Variants in VARS2 observed in about 807,000 individuals in gnomAD.
VARS2 encodes valyl-tRNA synthetase 2, mitochondrial.
A neutral mutation model predicts 154.1 loss-of-function variants in VARS2; 105 were observed. That is an observed-to-expected ratio of 0.68 (90% CI 0.58 to 0.80). The LOEUF (loss-of-function observed/expected upper bound fraction) is 0.80, where lower values mean the gene tolerates loss of function less well. Ranked by LOEUF, VARS2 falls within the 30% of genes least tolerant of loss-of-function variation. VARS2 has a pLI of 0.00. For missense variants in VARS2, 1,157 were observed against 1,361.4 expected, an observed-to-expected ratio of 0.85 and a Z score of 2.36; for synonymous variants, 483 against 539.5, an observed-to-expected ratio of 0.90 and a Z score of 1.45.
rs1490621098 is a variant in VARS2, at chr6:30,914,307, C to T, written c.-65C>T. 3.6e-6 allele frequency: 4 copies of T among 1,126,518 alleles called. No individual in the cohort carries two copies. The highest frequency in any genetic ancestry group is 1.6e-5 in the African/African-American group (1 of 62,302). 69.8% of individuals were successfully genotyped at this position (1,126,518 alleles called of 1,614,324 possible). On this transcript the variant is annotated 5_prime_UTR_variant, in exon 1 of 30. Transcript: ENST00000676266. The stretch of plus-strand genomic sequence containing the variant: ...GTTTGGTGGATTCCTCAGTCCCTGC[C>T]GCCGCGGGGCGCCCTGGGATAGCGG...
chr6:30,915,189 A>G lies in VARS2; in HGVS notation c.235A>G (p.Lys79Glu). 6.8e-6 allele frequency: 11 copies of G among 1,614,242 alleles called. No individual in the cohort carries two copies. Among genetic ancestry groups the G allele is most frequent in the Non-Finnish European group, 9.3e-6 (11 of 1,180,040 alleles). Reference sequence around the variant, plus strand: ...AGAATCCATTAAGGCCTGGAGGCCTAAGGAGTTAGTATTGTATGAAATCCC... The same window carrying G: ...AGAATCCATTAAGGCCTGGAGGCCTGAGGAGTTAGTATTGTATGAAATCCC... ...PAESIKAWRP[K>E]ELVLYEIPTK... The change falls in exon 3 of 30, where the codon AAG (lysine) becomes GAG (glutamate). Residue 79 changes from lysine (K) to glutamate (E), a missense_variant. By Grantham distance (56) the Lys-to-Glu change is moderately conservative. Transcript: ENST00000676266.
intron 1 of VARS2, 89 bp downstream of exon 1, chr6:30,914,433 C>A (rs948200308): frequency 7.1e-6 from 9 of 1,271,834 alleles, no homozygotes; most frequent in African/African-American, 1.5e-5. Flanking sequence ...GGCTTGGCCG[C>A]GCCGGGCTGT....
In VARS2 at chr6:30,914,297, C is replaced by A; in HGVS notation, c.-75C>A. 1 of 1,067,300 alleles carries A rather than the reference C, an allele frequency of 9.4e-7. No individual in the cohort carries two copies. Among genetic ancestry groups the A allele is most frequent in the Non-Finnish European group, 1.2e-6 (1 of 834,206 alleles). 66.1% of individuals were successfully genotyped at this position (1,067,300 alleles called of 1,614,324 possible). On this transcript the variant is annotated 5_prime_UTR_variant, in exon 1 of 30. Transcript: ENST00000676266. ...CCAGGGTCGGGTTTGGTGGATTCCT[C>A]AGTCCCTGCCGCCGCGGGGCGCCCT...
chr6:30,916,322 C>A lies in VARS2; in HGVS notation c.671+73C>A. 7.8e-7 allele frequency: 1 copy of A among 1,285,014 alleles called. No individual in the cohort carries two copies. The highest frequency in any genetic ancestry group is 2.4e-5 in the East Asian group (1 of 40,916). 79.6% of individuals were successfully genotyped at this position (1,285,014 alleles called of 1,614,324 possible). On this transcript the variant is annotated intron_variant, in intron 7 of 29. Coordinates refer to ENST00000676266, the MANE Select transcript of VARS2 (RefSeq NM_020442.6). The surrounding 1 kb of genome is among the most constrained non-coding windows in gnomAD (Gnocchi z 4.0). Reference sequence around the variant, plus strand: ...TTCTTGCCTCCCACCACTATCACTCCTGACTTGTAATCCTTGGCTCTTCCC... The same window carrying A: ...TTCTTGCCTCCCACCACTATCACTCATGACTTGTAATCCTTGGCTCTTCCC...
Position 30,919,721 on chromosome 6 carries a change from C to G in VARS2, c.1075-37C>G. 6.7e-7 allele frequency: 1 copy of G among 1,501,170 alleles called. No homozygotes were observed. The highest frequency in any genetic ancestry group is 1.3e-5 in the South Asian group (1 of 75,052). The allele number at this position is 1,501,170 out of a possible 1,614,324, so 93.0% of individuals were successfully genotyped here. ...CCAGCCCAGACCCTTCCAACCCTCA[C>G]AGGTGCCTGTCCTTGATCCCTCTCC... On this transcript the variant is annotated intron_variant, in intron 11 of 29. Transcript: ENST00000676266. The surrounding 1 kb of genome is among the most constrained non-coding windows in gnomAD (Gnocchi z 4.5).
chr6:30,922,295 CT>C, intron 20 of VARS2, 54 bp downstream of exon 20: 1 of 1,595,808 alleles, frequency 6.3e-7, no homozygotes, highest in Non-Finnish European at 8.5e-7. Context: ...TTCCCCAAAC[CT>C]TGTCCTCCCT....
Position 30,920,143 on chromosome 6 carries a change from G to T in VARS2, c.1220G>T (p.Arg407Leu). The change falls in exon 13 of 30, where the codon CGA (arginine) becomes CTA (leucine). Residue 407 changes from arginine (R) to leucine (L), a missense_variant. Coordinates refer to ENST00000676266, the MANE Select transcript of VARS2 (RefSeq NM_020442.6). The surrounding 1 kb of genome is among the most constrained non-coding windows in gnomAD (Gnocchi z 4.6). The part of the protein sequence containing the change: ...HSPADAEMGA[R>L]HGLSPLNVIA... Reference sequence around the variant, plus strand: ...CCTGCCGATGCTGAGATGGGGGCCCGACATGGCTTGAGCCCCTTGAATGTC... The same window carrying T: ...CCTGCCGATGCTGAGATGGGGGCCCTACATGGCTTGAGCCCCTTGAATGTC... 1 of 1,591,734 alleles carries T rather than the reference G, an allele frequency of 6.3e-7. No homozygotes were observed. Among genetic ancestry groups the T allele is most frequent in the Non-Finnish European group, 8.6e-7 (1 of 1,168,982 alleles).
At chr6:30,914,479 G>A in intron 1 of VARS2, 135 bp downstream of exon 1, 1 of 1,314,178 alleles carries the variant, frequency 7.6e-7, no homozygotes, top group Non-Finnish European at 9.7e-7. Flanking sequence ...GGTGGAGATC[G>A]CCGCGGCCCT....
rs28383826 is a variant in VARS2, at chr6:30,916,453, C to CGTGT, written c.671+225_671+228dup. 0.03 allele frequency: 11,865 copies of CGTGT among 397,938 alleles called. 461 individuals carry two copies. Among genetic ancestry groups the CGTGT allele is most frequent in the African/African-American group, 0.12 (5,466 of 46,044 alleles). The allele number at this position is 397,938 out of a possible 1,614,324, so 24.7% of individuals were successfully genotyped here. A position where few individuals can be genotyped will look rare whatever the true frequency, so the allele number is the denominator to read the frequency against. ...GATATTATATATGCATTAGAATATTCGTGTGTGTGTGTGTGTGTGTGTGTA... is the reference window on the plus strand; with the variant it reads ...GATATTATATATGCATTAGAATATTCGTGTGTGTGTGTGTGTGTGTGTGTGTGTA... On this transcript the variant is annotated intron_variant, in intron 7 of 29. Transcript: ENST00000676266. The surrounding 1 kb of genome is among the most constrained non-coding windows in gnomAD (Gnocchi z 4.0).
Position 30,926,416 on chromosome 6 carries a change from A to C in VARS2, c.*206A>C, listed in dbSNP as rs1448210759. On this transcript the variant is annotated 3_prime_UTR_variant, in exon 30 of 30. Coordinates refer to ENST00000676266, the MANE Select transcript of VARS2 (RefSeq NM_020442.6). ...CTGCCCGGCCTGCCTCCCACCTGGA[A>C]GTCTGGGAATGAGGAGATTGAGATA... 1.6e-6 allele frequency: 1 copy of C among 606,560 alleles called. No individual in the cohort carries two copies. Among genetic ancestry groups the C allele is most frequent in the Non-Finnish European group, 2.9e-6 (1 of 342,936 alleles). The allele number at this position is 606,560 out of a possible 1,614,324, so 37.6% of individuals were successfully genotyped here. A position where few individuals can be genotyped will look rare whatever the true frequency, so the allele number is the denominator to read the frequency against.
intron 1 of VARS2, 81 bp downstream of exon 1, chr6:30,914,425 C>G: frequency 2.3e-6 from 3 of 1,276,976 alleles, no homozygotes; most frequent in Non-Finnish European, 3.0e-6. Context: ...GGCGGGAAGG[C>G]TTGGCCGCGC....
In VARS2 at chr6:30,916,885, G is replaced by A. The variant is rs771388647; in HGVS notation, c.679G>A (p.Gly227Arg). 1.5e-5 allele frequency: 25 copies of A among 1,614,062 alleles called. No individual in the cohort carries two copies. Among genetic ancestry groups the A allele is most frequent in the Non-Finnish European group, 2.1e-5 (25 of 1,180,020 alleles). ...EVWQWKEAKGGEICEQLRALG... is the reference protein window; with the variant it reads ...EVWQWKEAKGREICEQLRALG... The stretch of plus-strand genomic sequence containing the variant: ...GGATCTCTCTGGGCACAGGAAAGGT[G>A]GAGAGATCTGTGAGCAGCTGCGAGC... The change falls in exon 8 of 30, where the codon GGA (glycine) becomes AGA (arginine). Residue 227 changes from glycine (G) to arginine (R), a missense_variant. By Grantham distance (125) the Gly-to-Arg change is moderately radical (BLOSUM62 -2). Transcript: ENST00000676266. This position sits in a 1 kb window ranked among gnomAD's most constrained non-coding sequence, Gnocchi z 4.0.
chr6:30,922,647 G>A, intron 21 of VARS2, 59 bp from the exon 22 acceptor site: 7 of 1,583,838 alleles, frequency 4.4e-6, no homozygotes, highest in Non-Finnish European at 6.0e-6. Flanking sequence ...CAGCAGGTGT[G>A]ACCCTTATAG....
At position 30,921,063 on chromosome 6, in the gene VARS2, A is replaced by G. The variant is rs1554268192; in HGVS notation, c.1480-2A>G. On this transcript the variant is annotated splice_acceptor_variant, in intron 15 of 29. Coordinates refer to ENST00000676266, the MANE Select transcript of VARS2 (RefSeq NM_020442.6). LOFTEE classifies it high-confidence loss of function. The surrounding 1 kb of genome is among the most constrained non-coding windows in gnomAD (Gnocchi z 4.6). Reference sequence around the variant, plus strand: ...ATTGTCTAAAGTCCCCTTTCTCTCCAGGCTGTGGAGTCGGGGGCCCTGGAG... The same window carrying G: ...ATTGTCTAAAGTCCCCTTTCTCTCCGGGCTGTGGAGTCGGGGGCCCTGGAG... 1.2e-5 allele frequency: 19 copies of G among 1,610,532 alleles called. No homozygotes were observed. Among genetic ancestry groups the G allele is most frequent in the Non-Finnish European group, 1.6e-5 (19 of 1,178,318 alleles).
intron 21 of VARS2, 23 bp from the exon 22 acceptor site, chr6:30,922,683 G>A: frequency 6.2e-7 from 1 of 1,608,928 alleles, no homozygotes; most frequent in Non-Finnish European, 8.5e-7. Context: ...CCTGGGTCGT[G>A]AATTGCCCCC....
chr6:30,921,656 C>T lies in VARS2; in HGVS notation c.1700C>T (p.Thr567Ile), dbSNP rs773853718. ...AEAREVAAEL[T>I]GRPGAELTLE... ...GCCAGAGAGGTAGCAGCGGAACTGA[C>T]AGGGAGGCCAGGGGCAGAGCTGACC... Residue 567 changes from threonine (T) to isoleucine (I), a missense_variant, in exon 18 of 30, where the codon ACA (threonine) becomes ATA (isoleucine). Coordinates refer to ENST00000676266, the MANE Select transcript of VARS2 (RefSeq NM_020442.6). The surrounding 1 kb of genome is among the most constrained non-coding windows in gnomAD (Gnocchi z 4.6). 45 of 1,608,132 alleles carry T rather than the reference C, an allele frequency of 2.8e-5. No homozygotes were observed. Among genetic ancestry groups the T allele is most frequent in the Non-Finnish European group, 3.8e-5 (45 of 1,178,670 alleles).
At chr6:30,914,714 C>G in intron 1 of VARS2, 96 bp from the exon 2 acceptor site, 1 of 1,253,344 alleles carries the variant, frequency 8.0e-7, no homozygotes, top group South Asian at 1.5e-5. Context: ...CTTGGAATAA[C>G]AGACCTGTGC....
In VARS2 at chr6:30,916,228, A is replaced by C; in HGVS notation, c.650A>C (p.Glu217Ala). The C allele has an allele frequency of 6.2e-7, 1 of 1,612,714 alleles. No individual in the cohort carries two copies. Among genetic ancestry groups the C allele is most frequent in the Non-Finnish European group, 8.5e-7 (1 of 1,179,290 alleles). ...HELSREAFLREVWQWKEAKGG... is the reference protein window; with the variant it reads ...HELSREAFLRAVWQWKEAKGG... ...CTGAGCCGGGAGGCCTTCCTTAGGG[A>C]GGTGTGGCAGTGGAAGGAGGCGTGA... Residue 217 changes from glutamate to alanine, a missense_variant, in exon 7 of 30, where the codon GAG becomes GCG. Coordinates refer to ENST00000676266, the MANE Select transcript of VARS2 (RefSeq NM_020442.6). This position sits in a 1 kb window ranked among gnomAD's most constrained non-coding sequence, Gnocchi z 4.0.
chr6:30,924,940 A>G lies in VARS2; in HGVS notation c.2674-334A>G, dbSNP rs189935289. 2.0e-3 allele frequency among the ~76,000 whole-genome samples: 307 copies of G among 152,358 alleles called. 1 individual carries two copies. Among genetic ancestry groups the G allele is most frequent in the Admixed American group, 6.1e-3 (93 of 15,304 alleles). Reference sequence around the variant, plus strand: ...TAACTTCAGAAGGATAAATGCTATGAACTCACCCAAAAATTATTTTAAAAT... The same window carrying G: ...TAACTTCAGAAGGATAAATGCTATGGACTCACCCAAAAATTATTTTAAAAT... On this transcript the variant is annotated intron_variant, in intron 26 of 29. Coordinates refer to ENST00000676266, the MANE Select transcript of VARS2 (RefSeq NM_020442.6).
Sources: gnomAD v4.1 joint callset for allele counts (sites outside exome capture counted in the v4.1 genomes callset) on GRCh38, gnomAD v4.1.1 for gene constraint, Gnocchi (gnomAD v3.1) non-coding constraint, MANE v1.5 for transcripts, NCBI Gene and HGNC (gene_info 2026-07-23, HGNC 2026-07-21) for gene names.